Variants in MYT1L observed in about 807,000 individuals in gnomAD.
The protein encoded by MYT1L is myelin transcription factor 1 like, also known as myelin transcription factor 1-like protein.
A neutral mutation model predicts 126.7 loss-of-function variants in MYT1L; 12 were observed. The observed-to-expected ratio is 0.09, with a 90% confidence interval of 0.06 to 0.15. MYT1L has a LOEUF of 0.15. MYT1L is among the 10% of genes least tolerant of loss of function. The probability of loss-of-function intolerance (pLI) is 1.00; values close to 1 mark genes in which losing one functional copy is unlikely to be tolerated. For synonymous variants in MYT1L, 541 were observed against 604.2 expected (o/e 0.90, Z 1.53); for missense variants, 979 against 1,585.2 (o/e 0.62, Z 6.49).
intron 8 of MYT1L, among the ~76,000 whole-genome samples, chr2:1,955,320 G>A (rs992644915): frequency 1.3e-5 from 2 of 152,034 alleles, no homozygotes; most frequent in African/African-American, 2.4e-5. Flanking sequence ...TAAAATTCTG[G>A]TACTTGAATG....
intron 8 of MYT1L, among the ~76,000 whole-genome samples, chr2:1,953,389 T>C (rs6715532): frequency 0.017 from 2,562 of 152,280 alleles, 68 homozygotes; most frequent in African/African-American, 0.058. Context: ...ATCCCACAGC[T>C]CTATGCTCAT....
Position 2,313,516 on chromosome 2 carries a change from GT to G in MYT1L, c.-521+17450del, listed in dbSNP as rs137906027. Among the ~76,000 whole-genome samples, 180 of 146,296 alleles carry G rather than the reference GT, an allele frequency of 1.2e-3. 1 individual carries two copies. The highest frequency in any genetic ancestry group is 2.8e-3 in the Admixed American group (41 of 14,528). On this transcript the variant is annotated intron_variant, in intron 1 of 24. Coordinates refer to ENST00000647738, the MANE Select transcript of MYT1L (RefSeq NM_001303052.2). ...AGTTTGAAATTAGTTTAAAATACCT[GT>G]TTTTTTTTTTAATGGAAATGGTATA...
chr2:2,257,732 GA>G (rs774877469), intron 2 of MYT1L, among the ~76,000 whole-genome samples: 5 of 147,492 alleles, frequency 3.4e-5, no homozygotes, highest in African/African-American at 1.1e-4. Context: ...ACTGCTCAAG[GA>G]AATAAAAGAG....
At chr2:1,934,189 T>C (rs561705665) in intron 9 of MYT1L, among the ~76,000 whole-genome samples, 1 of 151,352 alleles carries the variant, frequency 6.6e-6, no homozygotes, top group South Asian at 2.1e-4. Flanking sequence ...TTAGCCAGGA[T>C]GGTCTCGATC....
chr2:2,070,548 T>C (rs2074481108), intron 3 of MYT1L, among the ~76,000 whole-genome samples: 1 of 152,228 alleles, frequency 6.6e-6, no homozygotes, highest in East Asian at 1.9e-4. Flanking sequence ...AGATTTGATG[T>C]TGACCCAATT....
At position 1,943,181 on chromosome 2, in the gene MYT1L, C is replaced by T; in HGVS notation, c.306G>A (p.Lys102=). Residue 102 remains lysine, a synonymous_variant, in exon 9 of 25, where the codon AAG becomes AAA. Coordinates refer to ENST00000647738, the MANE Select transcript of MYT1L (RefSeq NM_001303052.2). The surrounding 1 kb of genome is among the most constrained non-coding windows in gnomAD (Gnocchi z 4.4). ...DSDGTEDMDE[K]EEDEGEEYSE... ...AGTACTCCTCCCCCTCATCCTCCTC[C>T]TTCTCATCCATGTCCTCAGTCCCAT... 6.4e-7 allele frequency: 1 copy of T among 1,551,686 alleles called. No homozygotes were observed.
intron 2 of MYT1L, among the ~76,000 whole-genome samples, chr2:2,198,505 T>C (rs1210636947): frequency 6.6e-6 from 1 of 152,154 alleles, no homozygotes; most frequent in Admixed American, 6.5e-5. Context: ...ACTATGTATA[T>C]ACGCATTGAC....
At chr2:2,222,685 A>G (rs983421671) in intron 2 of MYT1L, among the ~76,000 whole-genome samples, 3 of 152,052 alleles carry the variant, frequency 2.0e-5, no homozygotes, top group African/African-American at 7.2e-5. Context: ...TCCAGACTAG[A>G]CTACACACAG....
chr2:1,879,881 C>A (rs745937250), intron 18 of MYT1L, among the ~76,000 whole-genome samples: 39 of 152,246 alleles, frequency 2.6e-4, no homozygotes, highest in Non-Finnish European at 5.1e-4. Flanking sequence ...GTATGCAATA[C>A]AATTCAGTAG....
chr2:2,277,696 C>A (rs889492478), intron 2 of MYT1L, among the ~76,000 whole-genome samples: 6 of 152,092 alleles, frequency 3.9e-5, no homozygotes, highest in Non-Finnish European at 8.8e-5. Context: ...AAAGTTACTG[C>A]CCTTCAGGTG....
intron 2 of MYT1L, among the ~76,000 whole-genome samples, chr2:2,192,231 G>T (rs2148749770): frequency 6.6e-6 from 1 of 152,338 alleles, no homozygotes; most frequent in Non-Finnish European, 1.5e-5. Context: ...ATGCGGTGCT[G>T]ATGCACTCGG....
At chr2:1,898,478 G>A (rs536174681) in intron 14 of MYT1L, among the ~76,000 whole-genome samples, 1 of 152,222 alleles carries the variant, frequency 6.6e-6, no homozygotes, top group South Asian at 2.1e-4. Flanking sequence ...AAAGGGCGTC[G>A]AGGTCCAGGT....
chr2:2,032,096 C>T (rs1408506054), intron 4 of MYT1L, among the ~76,000 whole-genome samples: 66 of 125,796 alleles, frequency 5.2e-4, no homozygotes, highest in South Asian at 2.0e-3. Context: ...CTTACACACA[C>T]CCCTCGCCAG....
chr2:1,845,665 C>T (rs1432350090), intron 19 of MYT1L, among the ~76,000 whole-genome samples: 2 of 152,218 alleles, frequency 1.3e-5, no homozygotes, highest in Non-Finnish European at 2.9e-5. Flanking sequence ...TGCCGTCTCT[C>T]AGCAGCCCGC....
chr2:2,326,314 C>T (rs1429461777), intron 1 of MYT1L: 1 of 152,342 alleles, frequency 6.6e-6, no homozygotes, highest in Non-Finnish European at 1.5e-5. Context: ...GGGAGACTGA[C>T]AGAGAAGCCC....
At chr2:2,248,141 A>C (rs2094568932) in intron 2 of MYT1L, among the ~76,000 whole-genome samples, 1 of 152,128 alleles carries the variant, frequency 6.6e-6, no homozygotes, top group Admixed American at 6.5e-5. Flanking sequence ...AGCCAGATTA[A>C]GCAAAAAAGA....
intron 8 of MYT1L, among the ~76,000 whole-genome samples, chr2:1,967,781 C>T (rs983060344): frequency 3.9e-5 from 6 of 152,112 alleles, no homozygotes; most frequent in Non-Finnish European, 7.4e-5. Flanking sequence ...CGAGGTGCAG[C>T]GAGGCCGCAG....
At chr2:2,079,662 C>G (rs912377311) in intron 3 of MYT1L, among the ~76,000 whole-genome samples, 1 of 152,012 alleles carries the variant, frequency 6.6e-6, no homozygotes, top group Non-Finnish European at 1.5e-5. Context: ...AAAAAATTAG[C>G]CAGGCATGGT....
At chr2:2,217,416 C>T (rs2093707514) in intron 2 of MYT1L, among the ~76,000 whole-genome samples, 1 of 152,046 alleles carries the variant, frequency 6.6e-6, no homozygotes, top group Admixed American at 6.6e-5. Flanking sequence ...GGCACGGTGG[C>T]TCATGCCTGT....
Sources: allele counts gnomAD v4.1 joint callset (sites outside exome capture counted in the v4.1 genomes callset), GRCh38; gene constraint gnomAD v4.1.1; non-coding constraint Gnocchi (gnomAD v3.1); transcripts MANE v1.5; gene names NCBI Gene and HGNC (gene_info 2026-07-23, HGNC 2026-07-21).